Variants in PRKG1 observed in about 807,000 individuals in gnomAD.
PRKG1 encodes the protein cGMP-dependent protein kinase 1.
A neutral mutation model predicts 88.1 loss-of-function variants in PRKG1; 35 were observed. The ratio of observed to expected loss-of-function variants is 0.40; its 90% CI spans 0.30 to 0.53. The LOEUF (loss-of-function observed/expected upper bound fraction) is 0.53. PRKG1 is among the 20% of genes least tolerant of loss of function. PRKG1 has a pLI of 0.59. For synonymous variants in PRKG1, 303 were observed against 292.5 expected (o/e 1.04, Z -0.37); for missense variants, 540 against 839.8 (o/e 0.64, Z 4.41).
intron 2 of PRKG1, among the ~76,000 whole-genome samples, chr10:51,203,210 T>G (rs1399514860): frequency 2.6e-5 from 4 of 152,098 alleles, no homozygotes; most frequent in Non-Finnish European, 4.4e-5. Flanking sequence ...TATTAAACAT[T>G]CTGTTATAAA....
chr10:51,349,401 T>C lies in PRKG1; in HGVS notation c.479-118322T>C, dbSNP rs978196484. 3.3e-5 allele frequency among the ~76,000 whole-genome samples: 5 copies of C among 152,088 alleles called. No individual in the cohort carries two copies. In the East Asian group the frequency reaches 9.6e-4, roughly 29 times the overall value. On this transcript the variant is annotated intron_variant, in intron 2 of 17. Coordinates refer to ENST00000373980, the MANE Select transcript of PRKG1 (RefSeq NM_006258.4). ...TTGCCAAAATCCTAAGAAATTTTAG[T>C]GTGTATTTTGTTCAGAGAAGATAAA...
chr10:51,516,211 G>A (rs10762184), intron 3 of PRKG1, among the ~76,000 whole-genome samples: 45,744 of 151,902 alleles, frequency 0.3, 7,768 homozygotes, highest in East Asian at 0.79. Flanking sequence ...GGGATGGGAA[G>A]GGAAGGTCGC....
intron 3 of PRKG1, among the ~76,000 whole-genome samples, chr10:51,700,568 G>T (rs1426777520): frequency 1.3e-5 from 2 of 152,118 alleles, no homozygotes; most frequent in African/African-American, 4.8e-5. Context: ...AACATATTCA[G>T]TGTGGTGTTT....
At chr10:52,103,657 CAAA>C (rs1445771377) in intron 7 of PRKG1, among the ~76,000 whole-genome samples, 1 of 151,938 alleles carries the variant, frequency 6.6e-6, no homozygotes, top group African/African-American at 2.4e-5. Context: ...TTTGAGGAGT[CAAA>C]AGATATATGT....
intron 1 of PRKG1, among the ~76,000 whole-genome samples, chr10:50,998,608 C>T (rs1162975335): frequency 3.3e-5 from 5 of 150,346 alleles, no homozygotes; most frequent in African/African-American, 1.2e-4. Context: ...ATTAGCCAGG[C>T]ATGGTGGCAC....
At chr10:51,825,796 G>A (rs1357958177) in intron 4 of PRKG1, among the ~76,000 whole-genome samples, 1 of 152,172 alleles carries the variant, frequency 6.6e-6, no homozygotes, top group Non-Finnish European at 1.5e-5. Flanking sequence ...GATGGTTTGG[G>A]GTGTGGAGGG....
intron 4 of PRKG1, among the ~76,000 whole-genome samples, chr10:51,836,877 C>T (rs181224631): frequency 9.9e-5 from 15 of 152,192 alleles, no homozygotes; most frequent in Non-Finnish European, 1.3e-4. Flanking sequence ...AAAGGGTGCA[C>T]GGAGCATTTT....
chr10:51,359,240 A>T (rs1842428485), intron 2 of PRKG1, among the ~76,000 whole-genome samples: 1 of 151,962 alleles, frequency 6.6e-6, no homozygotes, highest in Non-Finnish European at 1.5e-5. Flanking sequence ...GACAATACAT[A>T]TTATAATTAT....
At chr10:52,102,561 G>A (rs1365196065) in intron 7 of PRKG1, among the ~76,000 whole-genome samples, 3 of 130,022 alleles carry the variant, frequency 2.3e-5, no homozygotes, top group African/African-American at 8.7e-5. Flanking sequence ...AGCCAATCAC[G>A]AAAATCATGA....
chr10:51,507,316 AAAAT>A (rs1210443441), intron 3 of PRKG1, among the ~76,000 whole-genome samples: 1 of 152,084 alleles, frequency 6.6e-6, no homozygotes, highest in East Asian at 1.9e-4. Flanking sequence ...AATAAAAATA[AAAAT>A]AAATAAAAAA....
intron 3 of PRKG1, among the ~76,000 whole-genome samples, chr10:51,627,970 C>CTA (rs531728027): frequency 1.2e-5 from 1 of 86,306 alleles, no homozygotes; most frequent in South Asian, 4.5e-4. Flanking sequence ...TTCTTTCTTT[C>CTA]TCTTTCTTTC....
At chr10:51,257,664 T>G (rs1380454549) in intron 2 of PRKG1, among the ~76,000 whole-genome samples, 2 of 152,122 alleles carry the variant, frequency 1.3e-5, no homozygotes, top group Non-Finnish European at 2.9e-5. Context: ...TCTACCAGCT[T>G]AGCCAACTCT....
At chr10:52,183,452 G>C (rs1387760817) in intron 9 of PRKG1, among the ~76,000 whole-genome samples, 1 of 152,192 alleles carries the variant, frequency 6.6e-6, no homozygotes, top group East Asian at 1.9e-4. Flanking sequence ...CATTTTGGCT[G>C]TCTCAAGGGC....
At chr10:51,768,527 G>A (rs1232812280) in intron 3 of PRKG1, among the ~76,000 whole-genome samples, 1 of 152,154 alleles carries the variant, frequency 6.6e-6, no homozygotes, top group Non-Finnish European at 1.5e-5. Context: ...AGGACATGCT[G>A]ATGGTCTATA....
intron 3 of PRKG1, among the ~76,000 whole-genome samples, chr10:51,798,269 T>C (rs940083572): frequency 6.6e-6 from 1 of 152,054 alleles, no homozygotes; most frequent in African/African-American, 2.4e-5. Context: ...CTACCAGCAA[T>C]GCACAAGGGT....
intron 2 of PRKG1, among the ~76,000 whole-genome samples, chr10:51,182,487 G>C (rs1214671463): frequency 1.3e-5 from 2 of 152,126 alleles, no homozygotes; most frequent in African/African-American, 4.8e-5. Context: ...AGCCAGGTCT[G>C]TTTGTGGCCA....
chr10:51,755,556 T>A (rs1837838097), intron 3 of PRKG1, among the ~76,000 whole-genome samples: 1 of 152,196 alleles, frequency 6.6e-6, no homozygotes, highest in Non-Finnish European at 1.5e-5. Context: ...AACCTAAGCA[T>A]TTTTTGCACA....
intron 1 of PRKG1, among the ~76,000 whole-genome samples, chr10:51,124,366 T>C (rs916747912): frequency 1.3e-5 from 2 of 152,152 alleles, no homozygotes; most frequent in Non-Finnish European, 2.9e-5. Context: ...AAATACTATG[T>C]GTGTGGGGGT....
intron 3 of PRKG1, among the ~76,000 whole-genome samples, chr10:51,762,498 C>T (rs538987328): frequency 8.5e-5 from 13 of 152,248 alleles, no homozygotes; most frequent in East Asian, 3.9e-4. Flanking sequence ...TATATTCAAT[C>T]GACCTTAAAT....
Sources: gnomAD v4.1 joint callset for allele counts (sites outside exome capture counted in the v4.1 genomes callset) on GRCh38, gnomAD v4.1.1 for gene constraint, MANE v1.5 for transcripts, NCBI Gene and HGNC (gene_info 2026-07-23, HGNC 2026-07-21) for gene names.